Variants in SYNJ2 observed in about 807,000 individuals in gnomAD.
SYNJ2 encodes the protein synaptojanin 2, also known as polyphosphatidylinositol phosphatase SYNJ2.
SYNJ2 carries 116 observed loss-of-function variants against 141.3 expected under a neutral mutation model. The observed-to-expected ratio is 0.82, with a 90% CI of 0.71 to 0.96. The LOEUF (loss-of-function observed/expected upper bound fraction) is 0.96. Among genes scored for constraint, SYNJ2 ranks in the 40% least tolerant of loss-of-function variants. The pLI, the probability that SYNJ2 is intolerant of heterozygous loss-of-function variation, is 0.00. For missense variants in SYNJ2, 1,873 were observed against 1,934.8 expected (o/e 0.97, Z 0.60); for synonymous variants, 745 against 777.7 (o/e 0.96, Z 0.70).
intron 2 of SYNJ2, 46 bp from the exon 3 acceptor site, chr6:158,028,710 C>A: frequency 6.3e-7 from 1 of 1,593,954 alleles, no homozygotes. Context: ...TCCAGGCGGC[C>A]GGGCCGACTT....
chr6:158,089,010 T>C (rs983698542), intron 24 of SYNJ2, among the ~76,000 whole-genome samples: 17 of 152,190 alleles, frequency 1.1e-4, no homozygotes, highest in Non-Finnish European at 2.4e-4. Flanking sequence ...CTGGTTTCCA[T>C]ACTCATCCAT....
At chr6:158,032,981 A>G (rs959359225) in intron 3 of SYNJ2, among the ~76,000 whole-genome samples, 3 of 152,240 alleles carry the variant, frequency 2.0e-5, no homozygotes, top group African/African-American at 7.2e-5. Flanking sequence ...TATGTGGATA[A>G]TTTAAATAAC....
At chr6:158,090,554 T>G (rs950075290) in intron 25 of SYNJ2, among the ~76,000 whole-genome samples, 5 of 148,838 alleles carry the variant, frequency 3.4e-5, no homozygotes, top group Admixed American at 6.7e-5. Flanking sequence ...TTTTTTTTTT[T>G]TTTTTTTTGA....
intron 22 of SYNJ2, among the ~76,000 whole-genome samples, chr6:158,085,275 C>A (rs1417937856): frequency 1.3e-5 from 2 of 152,140 alleles, no homozygotes; most frequent in African/African-American, 4.8e-5. Flanking sequence ...CCTACCTGGG[C>A]CTTCCAAAGT....
At chr6:158,056,542 A>C (rs747257794) in intron 6 of SYNJ2, among the ~76,000 whole-genome samples, 1 of 152,124 alleles carries the variant, frequency 6.6e-6, no homozygotes, top group Non-Finnish European at 1.5e-5. Flanking sequence ...TTCATTGCTG[A>C]CTATGTTCCC....
rs146336215 is a variant in SYNJ2 at position 158,043,372 on chromosome 6, G to A, written c.768G>A (p.Pro256=). The A allele has an allele frequency of 3.0e-5, 49 of 1,614,036 alleles. No homozygotes were observed. In the African/African-American group the frequency reaches 4.7e-4, roughly 15 times the overall value. The change falls in exon 5 of 27, where the codon CCG becomes CCA. Residue 256 remains proline, a synonymous_variant. Transcript: ENST00000355585. This position sits in a 1 kb window ranked among gnomAD's most constrained non-coding sequence, Gnocchi z 4.0. ...SSFVQIRGSV[P]LFWEQPGLQV... ...TTGTCCAGATCAGAGGCTCCGTTCC[G>A]CTGTTCTGGGAACAGCCAGGGCTTC... is the stretch of plus-strand genomic sequence containing the variant.
intron 24 of SYNJ2, among the ~76,000 whole-genome samples, chr6:158,089,498 A>G (rs963416595): frequency 1.3e-5 from 2 of 152,190 alleles, no homozygotes; most frequent in Admixed American, 6.5e-5. Flanking sequence ...TAAGGAAGGT[A>G]TTTTAACAAC....
rs147538629 is a variant in SYNJ2 at position 158,025,979 on chromosome 6, G to GCATACATACATACATACATACATA, written c.215-2760_215-2759insATACATACATACATACATACATAC. Among the ~76,000 whole-genome samples the GCATACATACATACATACATACATA allele has an allele frequency of 3.7e-5, 5 of 133,834 alleles. No individual in the cohort carries two copies. In the East Asian group the frequency reaches 6.1e-4, roughly 16 times the overall value. 87.8% of individuals were successfully genotyped at this position (133,834 alleles called of 152,430 possible). On this transcript the variant is annotated intron_variant, in intron 2 of 26. Coordinates refer to ENST00000355585, the MANE Select transcript of SYNJ2 (RefSeq NM_003898.4). ...AAAAATAAATAAATAAATAATACAT[G>GCATACATACATACATACATACATA]CATACATACATACATACGTACATAC...
At position 158,064,013 on chromosome 6, in the gene SYNJ2, G is replaced by C. The variant is rs1032700120; in HGVS notation, c.1209+141G>C. 5 of 806,284 alleles carry C rather than the reference G, an allele frequency of 6.2e-6. No individual in the cohort carries two copies. The African/African-American group carries it at 8.6e-5, about 14-fold the overall frequency. 49.9% of individuals were successfully genotyped at this position (806,284 alleles called of 1,614,324 possible). A position where few individuals can be genotyped will look rare whatever the true frequency, so the allele number is the denominator to read the frequency against. ...TTCTGACTATGGGGAAGGTGGACAGGGAGACACTGGGACATCCAGAGAGGG... is the reference window on the plus strand; with the variant it reads ...TTCTGACTATGGGGAAGGTGGACAGCGAGACACTGGGACATCCAGAGAGGG... On this transcript the variant is annotated intron_variant, in intron 9 of 26. Coordinates refer to ENST00000355585, the MANE Select transcript of SYNJ2 (RefSeq NM_003898.4).
chr6:157,989,427 A>AACATAT (rs1777327016), intron 1 of SYNJ2, among the ~76,000 whole-genome samples: 1 of 96,292 alleles, frequency 1.0e-5, no homozygotes, highest in Non-Finnish European at 2.1e-5. Flanking sequence ...TAAAAAAATG[A>AACATAT]ATATATATAT....
rs775655142 is a variant in SYNJ2, at chr6:158,088,779, T to A, written c.3456+7T>A. 4.4e-6 allele frequency: 7 copies of A among 1,595,356 alleles called. No homozygotes were observed. The highest frequency in any genetic ancestry group is 1.1e-5 in the South Asian group (1 of 90,738). On this transcript the variant is annotated splice_region_variant and intron_variant, in intron 24 of 26. Transcript: ENST00000355585. ...AGGAGCACCTCAGCAACCTGTGAGT[T>A]CTTCTGCATACATTTCAATCCCAAG...
intron 22 of SYNJ2, among the ~76,000 whole-genome samples, chr6:158,085,839 G>A (rs7769216): frequency 0.52 from 79,559 of 151,974 alleles, 21,109 homozygotes; most frequent in African/African-American, 0.6. Flanking sequence ...AGCCTTCGCC[G>A]GAGCATCGCG....
At chr6:158,064,771 C>T (rs773456087) in intron 10 of SYNJ2, 21 bp downstream of exon 10, 43 of 1,612,394 alleles carry the variant, frequency 2.7e-5, no homozygotes, top group South Asian at 5.5e-5. Context: ...GCCGAGGGGG[C>T]AGGGTGGGGG....
intron 3 of SYNJ2, 93 bp from the exon 4 acceptor site, chr6:158,033,362 C>T (rs1213179374): frequency 5.1e-5 from 70 of 1,364,954 alleles, no homozygotes; most frequent in East Asian, 7.3e-5. Context: ...CTGCACCGTG[C>T]GCCCCCCAGT....
chr6:158,043,282 A>G lies in SYNJ2; in HGVS notation c.712-34A>G, dbSNP rs751749942. 3.8e-6 allele frequency: 6 copies of G among 1,596,008 alleles called. No homozygotes were observed. Among genetic ancestry groups the G allele is most frequent in the Non-Finnish European group, 5.2e-6 (6 of 1,163,930 alleles). On this transcript the variant is annotated intron_variant, in intron 4 of 26. Transcript: ENST00000355585. The surrounding 1 kb of genome is among the most constrained non-coding windows in gnomAD (Gnocchi z 4.0). ...CCCAGGACGTTCGGTTTCATTGAAG[A>G]ATACCTTTCCCTTTCTGTTTCCTTG...
intron 16 of SYNJ2, 124 bp downstream of exon 16, chr6:158,074,862 G>T: frequency 1.7e-6 from 2 of 1,152,654 alleles, no homozygotes; most frequent in Non-Finnish European, 2.4e-6. Flanking sequence ...CAACATTGTA[G>T]AAAATAGGTG....
At chr6:158,061,417 G>A (rs1781210194) in intron 7 of SYNJ2, among the ~76,000 whole-genome samples, 1 of 152,130 alleles carries the variant, frequency 6.6e-6, no homozygotes, top group Non-Finnish European at 1.5e-5. Context: ...CCCTTGACCT[G>A]CTTCCCATCT....
chr6:157,993,689 A>G (rs1232293631), intron 1 of SYNJ2, among the ~76,000 whole-genome samples: 1 of 131,516 alleles, frequency 7.6e-6, no homozygotes, highest in African/African-American at 3.1e-5. Context: ...TCTTAAAAAC[A>G]TAACTTTCAT....
At position 158,016,959 on chromosome 6, in the gene SYNJ2, C is replaced by T. The variant is rs906283518; in HGVS notation, c.128-245C>T. On this transcript the variant is annotated intron_variant, in intron 1 of 26. Transcript: ENST00000355585. Reference sequence around the variant, plus strand: ...CGCCAGAACCCCAGGACCCCAGCTCCTCCAGCCCCCAGGAAGCTGTCAGCA... The same window carrying T: ...CGCCAGAACCCCAGGACCCCAGCTCTTCCAGCCCCCAGGAAGCTGTCAGCA... 9 of 1,200,936 alleles carry T rather than the reference C, an allele frequency of 7.5e-6. 1 individual carries two copies. The African/African-American group carries it at 7.8e-5, about 10-fold the overall frequency. The allele number at this position is 1,200,936 out of a possible 1,614,324, so 74.4% of individuals were successfully genotyped here.
Sources: allele counts gnomAD v4.1 joint callset (sites outside exome capture counted in the v4.1 genomes callset), GRCh38; gene constraint gnomAD v4.1.1; non-coding constraint Gnocchi (gnomAD v3.1); transcripts MANE v1.5; gene names NCBI Gene and HGNC (gene_info 2026-07-23, HGNC 2026-07-21).